Variants in TMEM132C observed in about 807,000 individuals in gnomAD.
TMEM132C encodes the protein protein phosphatase 1, regulatory subunit 152.
A neutral mutation model predicts 61.4 loss-of-function variants in TMEM132C; 29 were observed. That is an observed-to-expected ratio of 0.47 (90% CI 0.35 to 0.64). The LOEUF (loss-of-function observed/expected upper bound fraction) is 0.64. Among genes scored for constraint, TMEM132C ranks in the 30% least tolerant of loss-of-function variants. TMEM132C has a pLI of 0.00. For missense variants in TMEM132C, 1,408 were observed against 1,476.9 expected, an observed-to-expected ratio of 0.95 and a Z score of 0.76; for synonymous variants, 656 against 633.1, an observed-to-expected ratio of 1.04 and a Z score of -0.54.
intron 2 of TMEM132C, among the ~76,000 whole-genome samples, chr12:128,486,889 ACACACACACACACACAC>A (rs1871513685): frequency 9.0e-6 from 1 of 111,268 alleles, no homozygotes; most frequent in African/African-American, 3.5e-5. Flanking sequence ...ACACACACAC[ACACACACACACACACAC>A]ACACACACAC....
chr12:128,649,658 A>G (rs1210242721), intron 4 of TMEM132C, among the ~76,000 whole-genome samples: 1 of 152,204 alleles, frequency 6.6e-6, no homozygotes, highest in Non-Finnish European at 1.5e-5. Context: ...ATCACTTTGG[A>G]GAAGTATGTA....
chr12:128,543,981 C>T lies in TMEM132C; in HGVS notation c.999C>T (p.Asn333=). The change falls in exon 3 of 9, where the codon AAC becomes AAT. Residue 333 remains asparagine (N), a synonymous_variant. Coordinates refer to ENST00000435159, the MANE Select transcript of TMEM132C (RefSeq NM_001136103.3). ...GAGCCAAGGTGAAGAAGGGGGTGAA[C>T]ATCCTGAGTGCTCAGACCCGTGAGC... ...ILRAKVKKGV[N]ILSAQTREPR... 1 of 1,547,810 alleles carries T rather than the reference C, an allele frequency of 6.5e-7. No homozygotes were observed. Among genetic ancestry groups the T allele is most frequent in the Non-Finnish European group, 8.7e-7 (1 of 1,145,404 alleles).
At chr12:128,390,149 G>A (rs758648238) in intron 1 of TMEM132C, among the ~76,000 whole-genome samples, 8 of 152,150 alleles carry the variant, frequency 5.3e-5, no homozygotes, top group Non-Finnish European at 1.2e-4. Context: ...GGGATTACAG[G>A]TGTGAGCCAC....
chr12:128,392,738 T>C (rs1377228607), intron 1 of TMEM132C, among the ~76,000 whole-genome samples: 1 of 151,714 alleles, frequency 6.6e-6, no homozygotes, highest in African/African-American at 2.4e-5. Context: ...AGAAGAATTG[T>C]CTTGGGCCAC....
At chr12:128,536,675 C>T (rs1370748132) in intron 2 of TMEM132C, among the ~76,000 whole-genome samples, 1 of 152,172 alleles carries the variant, frequency 6.6e-6, no homozygotes, top group Non-Finnish European at 1.5e-5. Flanking sequence ...TAATCACATT[C>T]ATCAGCTATG....
chr12:128,281,221 G>A (rs778857611), intron 1 of TMEM132C, among the ~76,000 whole-genome samples: 12 of 152,206 alleles, frequency 7.9e-5, no homozygotes, highest in South Asian at 2.1e-4. Flanking sequence ...AACCCAGGCT[G>A]CCTTCAATAT....
Position 128,576,025 on chromosome 12 carries a change from C to T in TMEM132C, c.1121+31922C>T, listed in dbSNP as rs544674905. 2.5e-4 allele frequency among the ~76,000 whole-genome samples: 38 copies of T among 152,244 alleles called. No individual in the cohort carries two copies. The South Asian group carries it at 3.3e-3, about 13-fold the overall frequency. On this transcript the variant is annotated intron_variant, in intron 3 of 8. Transcript: ENST00000435159. ...TGAATGGCACTTTGGGAGGCTGAAG[C>T]GAGTGGCTCACCTGAGGTCAGGAGT... is the stretch of plus-strand genomic sequence containing the variant.
At chr12:128,378,289 G>A (rs1231248611) in intron 1 of TMEM132C, among the ~76,000 whole-genome samples, 1 of 151,558 alleles carries the variant, frequency 6.6e-6, no homozygotes, top group African/African-American at 2.4e-5. Flanking sequence ...TAATTTTTTT[G>A]TATTTTTTAG....
Position 128,462,472 on chromosome 12 carries a change from C to A in TMEM132C, c.974+46852C>A, listed in dbSNP as rs111649058. Among the ~76,000 whole-genome samples, 1,101 of 152,214 alleles carry A rather than the reference C, an allele frequency of 7.2e-3. 21 individuals are homozygous for A. The highest frequency in any genetic ancestry group is 0.025 in the African/African-American group (1,040 of 41,516). On this transcript the variant is annotated intron_variant, in intron 2 of 8. Coordinates refer to ENST00000435159, the MANE Select transcript of TMEM132C (RefSeq NM_001136103.3). ...GTTTGAGCATTCCTGGTTTCCCTTG[C>A]GTTCTTGTGTATTTATTTCTGGTTT... is the stretch of plus-strand genomic sequence containing the variant.
In TMEM132C at chr12:128,705,638, T is replaced by TGACTTCACC; in HGVS notation, c.2671_2679dup (p.Asp891_Thr893dup). 6.4e-7 allele frequency: 1 copy of TGACTTCACC among 1,550,984 alleles called. No homozygotes were observed. Among genetic ancestry groups the TGACTTCACC allele is most frequent in the Non-Finnish European group, 8.7e-7 (1 of 1,146,960 alleles). On this transcript the variant is annotated inframe_insertion, in exon 9 of 9. Coordinates refer to ENST00000435159, the MANE Select transcript of TMEM132C (RefSeq NM_001136103.3). Reference sequence around the variant, plus strand: ...AGGGGCAGCTGCAGAACATCCCCATTGACTTCACCAACTTCCCTGCCCACG... The same window carrying TGACTTCACC: ...AGGGGCAGCTGCAGAACATCCCCATTGACTTCACCGACTTCACCAACTTCCCTGCCCACG...
chr12:128,663,496 T>C (rs1954414698), intron 4 of TMEM132C, among the ~76,000 whole-genome samples: 1 of 152,252 alleles, frequency 6.6e-6, no homozygotes, highest in South Asian at 2.1e-4. Flanking sequence ...AGGAGAACCC[T>C]TGGGGGATAT....
In TMEM132C at chr12:128,415,054, G is replaced by A. The variant is rs777237943; in HGVS notation, c.408G>A (p.Leu136=). Residue 136 remains leucine (L), a synonymous_variant, in exon 2 of 9, where the codon CTG becomes CTA. Transcript: ENST00000435159. This position sits in a 1 kb window ranked among gnomAD's most constrained non-coding sequence, Gnocchi z 5.8. ...SFDWKLKAHI[L]RDKVYLSRPK... Reference sequence around the variant, plus strand: ...ATTGGAAACTAAAAGCCCACATCCTGCGGGACAAAGTCTACCTGAGCCGGC... The same window carrying A: ...ATTGGAAACTAAAAGCCCACATCCTACGGGACAAAGTCTACCTGAGCCGGC... 4.4e-6 allele frequency: 7 copies of A among 1,590,050 alleles called. No individual in the cohort carries two copies. Among genetic ancestry groups the A allele is most frequent in the Non-Finnish European group, 6.0e-6 (7 of 1,168,030 alleles).
At chr12:128,638,203 C>T (rs138286426) in intron 4 of TMEM132C, among the ~76,000 whole-genome samples, 48 of 152,250 alleles carry the variant, frequency 3.2e-4, no homozygotes, top group African/African-American at 1.1e-3. Context: ...TGCTCTACAG[C>T]TTATAAAATG....
chr12:128,462,747 CA>C (rs1287267470), intron 2 of TMEM132C, among the ~76,000 whole-genome samples: 1 of 152,068 alleles, frequency 6.6e-6, no homozygotes, highest in East Asian at 1.9e-4. Flanking sequence ...GCGTAAGCCA[CA>C]AAAAGGAATG....
intron 1 of TMEM132C, among the ~76,000 whole-genome samples, chr12:128,347,987 G>A (rs967352936): frequency 1.5e-4 from 23 of 152,198 alleles, no homozygotes; most frequent in Admixed American, 1.2e-3. Flanking sequence ...AAAGGCAGCT[G>A]GGATTTTGAT....
At chr12:128,552,439 T>C (rs979527177) in intron 3 of TMEM132C, among the ~76,000 whole-genome samples, 2 of 152,186 alleles carry the variant, frequency 1.3e-5, no homozygotes, top group African/African-American at 2.4e-5. Context: ...TATCATACCA[T>C]TGGGCAAATA....
intron 2 of TMEM132C, among the ~76,000 whole-genome samples, chr12:128,435,036 A>G (rs970344594): frequency 1.3e-5 from 2 of 152,072 alleles, no homozygotes; most frequent in East Asian, 3.9e-4. Flanking sequence ...TTCATTTGGT[A>G]TAGAGTCATT....
chr12:128,624,317 G>A lies in TMEM132C; in HGVS notation c.1305+7982G>A, dbSNP rs544760603. Among the ~76,000 whole-genome samples the A allele has an allele frequency of 5.3e-5, 8 of 152,060 alleles. No individual in the cohort carries two copies. The South Asian group carries it at 1.2e-3, about 24-fold the overall frequency. On this transcript the variant is annotated intron_variant, in intron 4 of 8. Transcript: ENST00000435159. ...TCCCAGCACTTTGGGAGCCCGAGGC[G>A]AGTGGACCACAAGGTCAGGAGTTCA...
In TMEM132C at chr12:128,540,717, TG is replaced by T. The variant is rs1466122020; in HGVS notation, c.975-3239del. ...CACAACAACCAATACAGAGGACTCCTGTGGCCAAGCATGGGGCAGAGGGGGT... is the reference window on the plus strand; with the variant it reads ...CACAACAACCAATACAGAGGACTCCTTGGCCAAGCATGGGGCAGAGGGGGT... On this transcript the variant is annotated intron_variant, in intron 2 of 8. Transcript: ENST00000435159. Among the ~76,000 whole-genome samples the T allele has an allele frequency of 2.0e-5, 3 of 152,274 alleles. No homozygotes were observed. In the East Asian group the frequency reaches 5.8e-4, roughly 29 times the overall value.
Sources: gnomAD v4.1 joint callset for allele counts (sites outside exome capture counted in the v4.1 genomes callset) on GRCh38, gnomAD v4.1.1 for gene constraint, Gnocchi (gnomAD v3.1) non-coding constraint, MANE v1.5 for transcripts, NCBI Gene and HGNC (gene_info 2026-07-23, HGNC 2026-07-21) for gene names.